The following LRRC53 variants were observed in gnomAD, a reference collection of about 807,000 sequenced individuals.
The protein encoded by LRRC53 is leucine rich repeat containing 53.
A neutral mutation model predicts 13.6 loss-of-function variants in LRRC53; 25 were observed. That is an observed-to-expected ratio of 1.83 (90% CI 1.34 to 2.56). The LOEUF (loss-of-function observed/expected upper bound fraction) is 2.56, where lower values mean the gene tolerates loss of function less well. Among genes scored for constraint, LRRC53 ranks in the 30% most tolerant of loss-of-function variants. The probability of loss-of-function intolerance (pLI) is 0.00; values close to 1 mark genes in which losing one functional copy is unlikely to be tolerated. For synonymous variants in LRRC53, 204 were observed against 109.8 expected (o/e 1.86, Z -5.37); for missense variants, 527 against 275.8 (o/e 1.91, Z -6.45).
the LRRC53 span, among the ~76,000 whole-genome samples, chr1:74,528,098 A>G: frequency 6.6e-6 from 1 of 152,208 alleles, no homozygotes; most frequent in African/African-American, 2.4e-5. Context: ...TGGAGAGAAT[A>G]GTGGCTCAAG....
Position 74,480,898 on chromosome 1 carries a change from C to G in LRRC53, c.159G>C (p.Leu53=), listed in dbSNP as rs970368225. The G allele has an allele frequency of 1.4e-6, 1 of 717,354 alleles. No homozygotes were observed. The allele number at this position is 717,354 out of a possible 1,614,324, so 44.4% of individuals were successfully genotyped here. A position where few individuals can be genotyped will look rare whatever the true frequency, so the allele number is the denominator to read the frequency against. The change falls in exon 3 of 5, where the codon CTG becomes CTC. Residue 53 remains leucine (L), a synonymous_variant. Transcript: ENST00000294635. ...GCAGGGCAAGATTAAACAAGAGAGA[C>G]AGGTTTGTGCTCTCAATAGAGGAGA... is the stretch of plus-strand genomic sequence containing the variant. ...GYLSSIESTN[L]SLLFNLALLS...
chr1:74,535,184 T>G, the LRRC53 span, among the ~76,000 whole-genome samples: 2 of 152,132 alleles, frequency 1.3e-5, no homozygotes, highest in African/African-American at 4.8e-5. Flanking sequence ...CATGAATGCC[T>G]TATAAAGAAT....
intron 1 of LRRC53, among the ~76,000 whole-genome samples, chr1:74,507,189 T>C (rs956913134): frequency 6.6e-6 from 1 of 151,208 alleles, no homozygotes; most frequent in African/African-American, 2.4e-5. Context: ...AATTTGCAAA[T>C]ATCACACATG....
At chr1:74,494,623 A>G (rs1350090718) in intron 1 of LRRC53, among the ~76,000 whole-genome samples, 1 of 152,198 alleles carries the variant, frequency 6.6e-6, no homozygotes, top group Non-Finnish European at 1.5e-5. Context: ...TGATATTTCT[A>G]AAGCACAGTC....
At chr1:74,508,699 G>A (rs995840420) in intron 1 of LRRC53, among the ~76,000 whole-genome samples, 10 of 152,212 alleles carry the variant, frequency 6.6e-5, no homozygotes, top group Admixed American at 1.3e-4. Context: ...CGGGGCATAT[G>A]TCTGGTAGAA....
chr1:74,496,148 A>G (rs1266710699), intron 1 of LRRC53, among the ~76,000 whole-genome samples: 1 of 152,180 alleles, frequency 6.6e-6, no homozygotes, highest in Non-Finnish European at 1.5e-5. Flanking sequence ...GGTGATTCCA[A>G]TATACATCCA....
intron 1 of LRRC53, among the ~76,000 whole-genome samples, chr1:74,501,016 ACT>A (rs1669597744): frequency 1.3e-5 from 2 of 152,044 alleles, no homozygotes; most frequent in African/African-American, 4.8e-5. Context: ...TCTTTCATAA[ACT>A]CTGGATAATC....
chr1:74,489,364 A>T (rs1291852530), intron 1 of LRRC53: 7 of 1,024,324 alleles, frequency 6.8e-6, no homozygotes, highest in Non-Finnish European at 9.9e-6. Context: ...CCATAACTCC[A>T]TCCATATTTG....
At chr1:74,494,941 C>G (rs1391006595) in intron 1 of LRRC53, among the ~76,000 whole-genome samples, 1 of 152,158 alleles carries the variant, frequency 6.6e-6, no homozygotes, top group Non-Finnish European at 1.5e-5. Flanking sequence ...ATAGGAGGCA[C>G]AGCAGCAGTC....
intron 3 of LRRC53, among the ~76,000 whole-genome samples, chr1:74,476,280 T>C (rs1668202563): frequency 6.6e-6 from 1 of 152,172 alleles, no homozygotes; most frequent in Admixed American, 6.6e-5. Context: ...GTGCCGACTC[T>C]AACCTGTTTC....
At position 74,483,251 on chromosome 1, in the gene LRRC53, A is replaced by C. The variant is rs1013059215; in HGVS notation, c.88+11T>G. The C allele has an allele frequency of 1.4e-6, 1 of 716,786 alleles. No homozygotes were observed. Among genetic ancestry groups the C allele is most frequent in the Non-Finnish European group, 2.6e-6 (1 of 384,718 alleles). 44.4% of individuals were successfully genotyped at this position (716,786 alleles called of 1,614,324 possible). A position where few individuals can be genotyped will look rare whatever the true frequency, so the allele number is the denominator to read the frequency against. On this transcript the variant is annotated intron_variant, in intron 2 of 4. Transcript: ENST00000294635. ...CTGAGCACTGCTTTTTAGAGTTATTAGTTTTATTACCTACTATATAGGTTA... is the reference window on the plus strand; with the variant it reads ...CTGAGCACTGCTTTTTAGAGTTATTCGTTTTATTACCTACTATATAGGTTA...
chr1:74,486,339 TG>T (rs1202779435), intron 1 of LRRC53, among the ~76,000 whole-genome samples: 5 of 152,106 alleles, frequency 3.3e-5, no homozygotes, highest in Admixed American at 3.3e-4. Context: ...ATTTACATTT[TG>T]TCCAGAGTTT....
chr1:74,517,623 A>C, the LRRC53 span, among the ~76,000 whole-genome samples: 1 of 152,214 alleles, frequency 6.6e-6, no homozygotes, highest in African/African-American at 2.4e-5. Context: ...TGCTATGTCC[A>C]ACTCACAGTG....
At chr1:74,501,749 A>T (rs2100343688) in intron 1 of LRRC53, among the ~76,000 whole-genome samples, 1 of 152,062 alleles carries the variant, frequency 6.6e-6, no homozygotes, top group South Asian at 2.1e-4. Context: ...GGCCTCCCAA[A>T]GTGCTGGGAT....
At chr1:74,500,741 G>A (rs1669582121) in intron 1 of LRRC53, among the ~76,000 whole-genome samples, 1 of 149,682 alleles carries the variant, frequency 6.7e-6, no homozygotes, top group East Asian at 1.9e-4. Flanking sequence ...AGTAGATAGA[G>A]GATTTTAATT....
intron 2 of LRRC53, among the ~76,000 whole-genome samples, chr1:74,482,062 A>G (rs981736516): frequency 7.2e-5 from 11 of 152,108 alleles, no homozygotes; most frequent in African/African-American, 2.4e-4. Context: ...AGCATTTATG[A>G]TTGATTATTT....
intron 1 of LRRC53, among the ~76,000 whole-genome samples, chr1:74,484,907 G>A (rs1275187091): frequency 2.0e-5 from 3 of 152,164 alleles, no homozygotes; most frequent in Non-Finnish European, 4.4e-5. Context: ...AAGAACATAA[G>A]TAGCAAAAAT....
At chr1:74,514,596 G>T (rs189886795), upstream of LRRC53, among the ~76,000 whole-genome samples, 242 of 152,186 alleles carry the variant, frequency 1.6e-3, 2 homozygotes, top group African/African-American at 5.4e-3. Flanking sequence ...CCATTTTGAA[G>T]ATGGGAAAAC....
At chr1:74,473,754 G>T (rs780805861) in intron 4 of LRRC53, among the ~76,000 whole-genome samples, 1 of 152,096 alleles carries the variant, frequency 6.6e-6, no homozygotes, top group Non-Finnish European at 1.5e-5. Context: ...GTATTGGAAG[G>T]TTGGACTAGA....
Sources: gnomAD v4.1 joint callset for allele counts (sites outside exome capture counted in the v4.1 genomes callset) on GRCh38, gnomAD v4.1.1 for gene constraint, MANE v1.5 for transcripts, NCBI Gene and HGNC (gene_info 2026-07-23, HGNC 2026-07-21) for gene names.